The following ABI1 variants were observed in gnomAD, a reference collection of about 807,000 sequenced individuals.
The protein encoded by ABI1 is abl interactor 1.
Under a neutral mutation model 54.6 loss-of-function variants are expected in ABI1, and 14 were observed. That is an observed-to-expected ratio of 0.26 (90% CI 0.17 to 0.40). The LOEUF (loss-of-function observed/expected upper bound fraction) is 0.40. ABI1 is among the 10% of genes least tolerant of loss of function. ABI1 has a pLI of 1.00. For missense variants in ABI1, 443 were observed against 598.3 expected (o/e 0.74, Z 2.71); for synonymous variants, 194 against 209.3 (o/e 0.93, Z 0.63).
At chr10:26,788,073 G>C (rs1294041809) in intron 2 of ABI1, among the ~76,000 whole-genome samples, 1 of 152,184 alleles carries the variant, frequency 6.6e-6, no homozygotes, top group Admixed American at 6.5e-5. Context: ...GACATAGTGG[G>C]AGATAATTTT....
intron 6 of ABI1, among the ~76,000 whole-genome samples, chr10:26,767,325 C>T (rs1405489535): frequency 6.6e-6 from 1 of 152,154 alleles, no homozygotes; most frequent in African/African-American, 2.4e-5. Flanking sequence ...CCTAGCATCT[C>T]GCATCTTGAT....
rs568978232 is a variant in ABI1, at chr10:26,746,766, T to G, written c.*1804A>C. On this transcript the variant is annotated 3_prime_UTR_variant, in exon 11 of 11. Coordinates refer to ENST00000376140, the MANE Select transcript of ABI1 (RefSeq NM_001012750.3). ...TGTTAATATCCACATGTAAGGCCAT[T>G]ACACAAATAAATAACCAATGTTAAA... 1.0e-4 allele frequency: 44 copies of G among 425,690 alleles called. No individual in the cohort carries two copies. Among genetic ancestry groups the G allele is most frequent in the African/African-American group, 6.9e-4 (35 of 50,736 alleles). 26.4% of individuals were successfully genotyped at this position (425,690 alleles called of 1,614,324 possible).
chr10:26,763,934 C>T (rs1564466161), intron 7 of ABI1: 2 of 1,612,912 alleles, frequency 1.2e-6, no homozygotes, highest in Admixed American at 3.3e-5. Context: ...GGTGGAGCTC[C>T]AGAAGGAGGA....
intron 9 of ABI1, among the ~76,000 whole-genome samples, chr10:26,752,807 A>G (rs1030539190): frequency 2.6e-5 from 4 of 152,198 alleles, no homozygotes; most frequent in Non-Finnish European, 5.9e-5. Context: ...TAAAATTTAA[A>G]GAATTCAAAG....
intron 2 of ABI1, among the ~76,000 whole-genome samples, chr10:26,778,116 A>T (rs539857049): frequency 6.6e-6 from 1 of 152,088 alleles, no homozygotes; most frequent in South Asian, 2.1e-4. Context: ...CTGCAGACAA[A>T]GGTTTAAGAG....
intron 2 of ABI1, among the ~76,000 whole-genome samples, chr10:26,777,635 C>T (rs567650811): frequency 4.0e-4 from 61 of 152,166 alleles, no homozygotes; most frequent in African/African-American, 1.3e-3. Context: ...AACAGCCAGG[C>T]ATGGTGGCAT....
chr10:26,800,004 T>TAA (rs56949695), intron 2 of ABI1, among the ~76,000 whole-genome samples: 16 of 124,746 alleles, frequency 1.3e-4, no homozygotes, highest in African/African-American at 2.2e-4. Flanking sequence ...CACAAAAACG[T>TAA]AAAAAAAAAA....
At chr10:26,839,644 T>G (rs2049337453) in intron 1 of ABI1, 1 of 624,444 alleles carries the variant, frequency 1.6e-6, no homozygotes, top group Non-Finnish European at 2.8e-6. Flanking sequence ...AAAGAAGTAC[T>G]TCTGTTTAAA....
In ABI1 at chr10:26,770,311, A is replaced by C; in HGVS notation, c.512T>G (p.Leu171Arg). The C allele has an allele frequency of 6.2e-7, 1 of 1,614,070 alleles. No homozygotes were observed. The highest frequency in any genetic ancestry group is 8.5e-7 in the Non-Finnish European group (1 of 1,179,906). ...GNNQPARTGT[L>R]SRTNPPTQKP... is the part of the protein sequence containing the mutation. ...CTGAGTAGGAGGATTTGTTCTCGAC[A>C]GTGTGCCAGTTCTTGCAGGCTGGTT... is the stretch of plus-strand genomic sequence containing the variant. The change falls in exon 5 of 11, where the codon CTG becomes CGG. Residue 171 changes from leucine (L) to arginine (R), a missense_variant. Physicochemically the swap from Leu to Arg is moderately radical, Grantham distance 102 (BLOSUM62 -2). This residue lies in a region of ABI1 where 394 missense variants were observed against 484.8 expected (regional missense o/e 0.81). Transcript: ENST00000376140.
chr10:26,776,856 T>C, intron 3 of ABI1: 1 of 426,902 alleles, frequency 2.3e-6, no homozygotes, highest in Admixed American at 4.0e-5. Flanking sequence ...TTAATAACCA[T>C]TTCTAATTTT....
rs986932348 is a variant in ABI1, at chr10:26,808,743, T to C, written c.285+14395A>G. Among the ~76,000 whole-genome samples the C allele has an allele frequency of 4.0e-5, 6 of 151,618 alleles. No individual in the cohort carries two copies. In the East Asian group the frequency reaches 5.8e-4, roughly 15 times the overall value. ...GTCTCAACAACAACAACAAAAAAGGTAACTGGGAGATGGAACAGTCTGGGT... is the reference window on the plus strand; with the variant it reads ...GTCTCAACAACAACAACAAAAAAGGCAACTGGGAGATGGAACAGTCTGGGT... On this transcript the variant is annotated intron_variant, in intron 2 of 10. Coordinates refer to ENST00000376140, the MANE Select transcript of ABI1 (RefSeq NM_001012750.3).
rs60597617 is a variant in ABI1 at position 26,747,981 on chromosome 10, C to CTATTT, written c.*588_*589insAAATA. On this transcript the variant is annotated 3_prime_UTR_variant, in exon 11 of 11. Transcript: ENST00000376140. ...AACATTACAGATAATTCTCTTTTTG[C>CTATTT]TTGTTTCACATGGAGACCTTGGAGA... 2.0e-5 allele frequency: 4 copies of CTATTT among 201,016 alleles called. No homozygotes were observed. The highest frequency in any genetic ancestry group is 6.9e-5 in the African/African-American group (3 of 43,316). 12.5% of individuals were successfully genotyped at this position (201,016 alleles called of 1,614,324 possible).
chr10:26,859,808 G>A (rs1182688524), intron 1 of ABI1, among the ~76,000 whole-genome samples: 1 of 152,108 alleles, frequency 6.6e-6, no homozygotes, highest in Non-Finnish European at 1.5e-5. Context: ...ATAAGCAACC[G>A]GCGATGACAC....
At chr10:26,776,064 T>C (rs1486724878) in intron 3 of ABI1, among the ~76,000 whole-genome samples, 3 of 152,118 alleles carry the variant, frequency 2.0e-5, no homozygotes, top group Non-Finnish European at 4.4e-5. Flanking sequence ...CCTAGCCACA[T>C]CCCTGGATAA....
intron 1 of ABI1, among the ~76,000 whole-genome samples, chr10:26,835,097 A>AC (rs2048962923): frequency 7.1e-5 from 9 of 126,358 alleles, no homozygotes; most frequent in Non-Finnish European, 1.0e-4. Flanking sequence ...TCAAAAAAAA[A>AC]AAAAAAAAAA....
intron 2 of ABI1, among the ~76,000 whole-genome samples, chr10:26,813,119 C>A (rs2047342269): frequency 6.6e-6 from 1 of 151,922 alleles, no homozygotes; most frequent in Middle Eastern, 3.2e-3. Context: ...TGTGGTGGTG[C>A]ACACCTGTAA....
chr10:26,824,434 C>T (rs1387956372), intron 1 of ABI1, among the ~76,000 whole-genome samples: 1 of 152,072 alleles, frequency 6.6e-6, no homozygotes, highest in Non-Finnish European at 1.5e-5. Flanking sequence ...TTCACTGCAG[C>T]ACTATCTATA....
chr10:26,829,566 A>T (rs1195784134), intron 1 of ABI1, among the ~76,000 whole-genome samples: 1 of 152,222 alleles, frequency 6.6e-6, no homozygotes, highest in Non-Finnish European at 1.5e-5. Context: ...AATATTGTAC[A>T]TCATAAATAT....
intron 1 of ABI1, among the ~76,000 whole-genome samples, chr10:26,828,903 A>T (rs1381531253): frequency 2.0e-5 from 3 of 152,206 alleles, no homozygotes; most frequent in Non-Finnish European, 4.4e-5. Context: ...CAGGTTAAGA[A>T]AGAATCCTTT....
Sources: gnomAD v4.1 joint callset for allele counts (sites outside exome capture counted in the v4.1 genomes callset) on GRCh38, gnomAD v4.1.1 for gene constraint, gnomAD v4.1.1 regional missense constraint, MANE v1.5 for transcripts, NCBI Gene and HGNC (gene_info 2026-07-23, HGNC 2026-07-21) for gene names.